The following GALNT13 variants were observed in gnomAD, a reference collection of about 807,000 sequenced individuals.
GALNT13 encodes UDP-GalNAc:polypeptide N-acetylgalactosaminyltransferase 13.
In GALNT13, 28 loss-of-function variants were observed where a neutral mutation model predicts 64.2. The ratio of observed to expected loss-of-function variants is 0.44; its 90% CI spans 0.32 to 0.60. The LOEUF is 0.60. GALNT13 is among the 20% of genes least tolerant of loss of function. The pLI is 0.05. For missense variants in GALNT13, 577 were observed against 669.8 expected, an observed-to-expected ratio of 0.86 and a Z score of 1.53; for synonymous variants, 214 against 224.6, an observed-to-expected ratio of 0.95 and a Z score of 0.42.
At position 154,352,670 on chromosome 2, in the gene GALNT13, C is replaced by G. The variant is rs190648693; in HGVS notation, c.1157-43321C>G. Among the ~76,000 whole-genome samples the G allele has an allele frequency of 2.7e-4, 41 of 152,354 alleles. 1 individual carries two copies. The East Asian group carries it at 5.8e-3, about 21-fold the overall frequency. On this transcript the variant is annotated intron_variant, in intron 9 of 12. Transcript: ENST00000392825. ...GCTCATAACTTGCCAACACCACATT[C>G]TTCTTATACTGTGGTCAATACTATG...
chr2:153,911,503 C>T (rs886288370), intron 2 of GALNT13, among the ~76,000 whole-genome samples: 1 of 152,028 alleles, frequency 6.6e-6, no homozygotes, highest in East Asian at 1.9e-4. Context: ...TTTATAGTGC[C>T]ACTTGTCTGT....
chr2:153,827,992 T>A, the GALNT13 span, among the ~76,000 whole-genome samples: 1 of 152,198 alleles, frequency 6.6e-6, no homozygotes, highest in Admixed American at 6.5e-5. Flanking sequence ...CAGTCAAATC[T>A]TAAATCTCCA....
At chr2:154,110,714 C>G (rs1312841556) in intron 3 of GALNT13, among the ~76,000 whole-genome samples, 2 of 151,962 alleles carry the variant, frequency 1.3e-5, no homozygotes, top group African/African-American at 4.8e-5. Context: ...TCTCCTTTGG[C>G]AACAACCTCA....
the GALNT13 span, among the ~76,000 whole-genome samples, chr2:153,780,236 T>C: frequency 0.011 from 122 of 11,200 alleles, 3 homozygotes; most frequent in Non-Finnish European, 0.056. Flanking sequence ...TATATATATA[T>C]ATATATATAT....
the GALNT13 span, among the ~76,000 whole-genome samples, chr2:153,779,355 T>G: frequency 1.4e-3 from 214 of 152,314 alleles, 2 homozygotes; most frequent in Non-Finnish European, 2.1e-3. Context: ...CTAACACAAT[T>G]TTCAAGTTAT....
chr2:153,576,874 C>T, the GALNT13 span, among the ~76,000 whole-genome samples: 2 of 152,062 alleles, frequency 1.3e-5, no homozygotes, highest in Admixed American at 6.5e-5. Context: ...ACAGAAGTAG[C>T]ATAAATTTAG....
chr2:154,405,568 G>A (rs568654984), intron 10 of GALNT13, among the ~76,000 whole-genome samples: 84 of 139,272 alleles, frequency 6.0e-4, no homozygotes, highest in African/African-American at 2.1e-3. Flanking sequence ...CCAATATGAT[G>A]TAACCCCATC....
the GALNT13 span, among the ~76,000 whole-genome samples, chr2:153,475,264 G>A: frequency 6.6e-6 from 1 of 152,218 alleles, no homozygotes; most frequent in Admixed American, 6.5e-5. Context: ...GCAGGAAGTA[G>A]TCTCCAGGGC....
chr2:154,048,401 A>C (rs2105341199), intron 3 of GALNT13, among the ~76,000 whole-genome samples: 1 of 152,328 alleles, frequency 6.6e-6, no homozygotes, highest in African/African-American at 2.4e-5. Flanking sequence ...CCCAGTTGAG[A>C]ATCCCTAAAA....
At chr2:153,802,319 T>C in the GALNT13 span, among the ~76,000 whole-genome samples, 8 of 152,226 alleles carry the variant, frequency 5.3e-5, no homozygotes, top group African/African-American at 1.7e-4. Context: ...TGAGTGTTTC[T>C]AATAAGCTTT....
the GALNT13 span, among the ~76,000 whole-genome samples, chr2:153,605,558 G>A: frequency 3.3e-5 from 5 of 152,200 alleles, no homozygotes; most frequent in African/African-American, 1.2e-4. Context: ...GATTTAAACA[G>A]TCTACAGTCA....
the GALNT13 span, among the ~76,000 whole-genome samples, chr2:153,143,993 A>G: frequency 6.6e-6 from 1 of 152,044 alleles, no homozygotes; most frequent in Non-Finnish European, 1.5e-5. Flanking sequence ...AGTTTCGGTC[A>G]TCACATGAAT....
chr2:153,076,325 A>G, the GALNT13 span, among the ~76,000 whole-genome samples: 956 of 152,186 alleles, frequency 6.3e-3, 7 homozygotes, highest in African/African-American at 0.022. Flanking sequence ...TTCTTGCTAC[A>G]CTTAGAAGCT....
the GALNT13 span, among the ~76,000 whole-genome samples, chr2:153,176,246 T>C: frequency 6.6e-6 from 1 of 152,102 alleles, no homozygotes. Flanking sequence ...GCTAAATTGT[T>C]TACTGGATTC....
chr2:153,894,178 G>GA (rs1228734474), intron 1 of GALNT13, among the ~76,000 whole-genome samples: 2 of 151,488 alleles, frequency 1.3e-5, no homozygotes, highest in Non-Finnish European at 2.9e-5. Context: ...AACATTCAAT[G>GA]AAAAAAAATG....
intron 3 of GALNT13, among the ~76,000 whole-genome samples, chr2:153,984,569 T>A (rs184442676): frequency 7.6e-4 from 115 of 151,948 alleles, no homozygotes; most frequent in African/African-American, 2.7e-3. Flanking sequence ...ATCCATTTGG[T>A]TATTTTTTCC....
intron 4 of GALNT13, among the ~76,000 whole-genome samples, chr2:154,209,979 A>G (rs1423792027): frequency 2.6e-5 from 4 of 152,170 alleles, no homozygotes; most frequent in African/African-American, 9.7e-5. Context: ...GCAACTTTGT[A>G]GCATTTGTCT....
the GALNT13 span, among the ~76,000 whole-genome samples, chr2:153,812,501 T>G: frequency 6.6e-6 from 1 of 152,152 alleles, no homozygotes; most frequent in Non-Finnish European, 1.5e-5. Flanking sequence ...CACTTACTAT[T>G]AAAAATATTT....
the GALNT13 span, among the ~76,000 whole-genome samples, chr2:153,520,682 C>T: frequency 6.6e-6 from 1 of 152,174 alleles, no homozygotes; most frequent in Non-Finnish European, 1.5e-5. Flanking sequence ...GACTGCCCTA[C>T]TGCTTTTCAT....
Sources: allele counts gnomAD v4.1 joint callset (sites outside exome capture counted in the v4.1 genomes callset), GRCh38; gene constraint gnomAD v4.1.1; transcripts MANE v1.5; gene names NCBI Gene and HGNC (gene_info 2026-07-23, HGNC 2026-07-21).